Variants in FCHSD2 observed in about 807,000 individuals in gnomAD.
FCHSD2 encodes F-BAR and double SH3 domains protein 2.
A neutral mutation model predicts 108.1 loss-of-function variants in FCHSD2; 38 were observed. The observed-to-expected ratio is 0.35, with a 90% CI of 0.27 to 0.46. The LOEUF is 0.46. Ranked by LOEUF, FCHSD2 falls within the 20% of genes least tolerant of loss-of-function variation. FCHSD2 has a pLI of 1.00. For synonymous variants in FCHSD2, 279 were observed against 314.7 expected (o/e 0.89, Z 1.20); for missense variants, 751 against 897.8 (o/e 0.84, Z 2.09).
At chr11:73,044,695 T>C (rs1405939961) in intron 3 of FCHSD2, among the ~76,000 whole-genome samples, 1 of 152,162 alleles carries the variant, frequency 6.6e-6, no homozygotes. Flanking sequence ...AGGCAAATGC[T>C]GGGTAAATAC....
chr11:73,107,783 C>G (rs1489890292), intron 2 of FCHSD2, among the ~76,000 whole-genome samples: 1 of 152,174 alleles, frequency 6.6e-6, no homozygotes. Context: ...GAATCTCATT[C>G]TTTTTTATGG....
At chr11:72,931,069 T>C (rs1049264158) in intron 8 of FCHSD2, among the ~76,000 whole-genome samples, 6 of 149,522 alleles carry the variant, frequency 4.0e-5, no homozygotes, top group African/African-American at 1.5e-4. Context: ...TATATATATA[T>C]ACCTACTATA....
In FCHSD2 at chr11:73,118,929, A is replaced by T. The variant is rs1186356572; in HGVS notation, c.119+21102T>A. ...AGACACATACTACACAACATGTATGATATCAATTCCACAGAATTATTTGAG... is the reference window on the plus strand; with the variant it reads ...AGACACATACTACACAACATGTATGTTATCAATTCCACAGAATTATTTGAG... On this transcript the variant is annotated intron_variant, in intron 2 of 19. Coordinates refer to ENST00000409418, the MANE Select transcript of FCHSD2 (RefSeq NM_014824.3). Among the ~76,000 whole-genome samples, 4 of 152,344 alleles carry T rather than the reference A, an allele frequency of 2.6e-5. No individual in the cohort carries two copies. In the South Asian group the frequency reaches 8.3e-4, roughly 32 times the overall value.
At chr11:73,078,393 C>T (rs1859605404) in intron 3 of FCHSD2, among the ~76,000 whole-genome samples, 1 of 152,034 alleles carries the variant, frequency 6.6e-6, no homozygotes, top group South Asian at 2.1e-4. Flanking sequence ...CGTATAAAAC[C>T]TTTGTTTAGA....
intron 3 of FCHSD2, among the ~76,000 whole-genome samples, chr11:73,075,525 A>C (rs1010417148): frequency 6.6e-6 from 1 of 152,260 alleles, no homozygotes; most frequent in African/African-American, 2.4e-5. Flanking sequence ...AAAATGATAC[A>C]GTCAATTTGG....
chr11:72,940,850 C>T, intron 8 of FCHSD2: 1 of 911,776 alleles, frequency 1.1e-6, no homozygotes, highest in Non-Finnish European at 1.8e-6. Flanking sequence ...GTCCTGAATT[C>T]TTATTGGGTT....
intron 9 of FCHSD2, among the ~76,000 whole-genome samples, chr11:72,907,887 C>T (rs142335433): frequency 2.2e-4 from 34 of 152,242 alleles, no homozygotes; most frequent in African/African-American, 7.5e-4. Context: ...GCCACCATGC[C>T]TGGCTGGTTT....
At chr11:72,933,721 C>A (rs1256752069) in intron 8 of FCHSD2, among the ~76,000 whole-genome samples, 2 of 152,120 alleles carry the variant, frequency 1.3e-5, no homozygotes, top group African/African-American at 4.8e-5. Context: ...TTAAACAGAT[C>A]TCAAAGCTTA....
In FCHSD2 at chr11:73,130,843, T is replaced by C. The variant is rs77853902; in HGVS notation, c.119+9188A>G. Among the ~76,000 whole-genome samples the C allele has an allele frequency of 1.2e-3, 179 of 152,348 alleles. 1 individual carries two copies. The highest frequency in any genetic ancestry group is 4.1e-3 in the African/African-American group (172 of 41,550). On this transcript the variant is annotated intron_variant, in intron 2 of 19. Transcript: ENST00000409418. ...ATTCGAAGTTGCATGTTACCTTTTA[T>C]TAATTATAAAATCAGGTAATCTTTT...
chr11:72,859,228 A>C (rs898264610), intron 13 of FCHSD2, among the ~76,000 whole-genome samples: 1 of 152,198 alleles, frequency 6.6e-6, no homozygotes, highest in African/African-American at 2.4e-5. Context: ...ATAAGTTTTA[A>C]ATTGTGTGCC....
In FCHSD2 at chr11:73,075,911, G is replaced by A. The variant is rs1024840216; in HGVS notation, c.165+7784C>T. Among the ~76,000 whole-genome samples the A allele has an allele frequency of 5.9e-5, 9 of 152,170 alleles. No homozygotes were observed. In the South Asian group the frequency reaches 1.9e-3, roughly 31 times the overall value. On this transcript the variant is annotated intron_variant, in intron 3 of 19. Transcript: ENST00000409418. ...ACGCAGTCGGATCGCTTGAGTCCAG[G>A]AGTTCGAGACCAGCCTGGGCAACGT... is the stretch of plus-strand genomic sequence containing the variant.
At chr11:73,022,885 C>T (rs1858141518) in intron 3 of FCHSD2, among the ~76,000 whole-genome samples, 1 of 151,970 alleles carries the variant, frequency 6.6e-6, no homozygotes, top group Admixed American at 6.6e-5. Context: ...AGAAATAGAC[C>T]CATACAAATA....
intron 5 of FCHSD2, among the ~76,000 whole-genome samples, chr11:72,991,425 A>G (rs1422481671): frequency 1.8e-4 from 27 of 152,194 alleles, no homozygotes; most frequent in Non-Finnish European, 1.9e-4. Context: ...AGAATTTTAG[A>G]CCAATATCCC....
At chr11:73,038,205 G>A (rs929069737) in intron 3 of FCHSD2, among the ~76,000 whole-genome samples, 1 of 152,034 alleles carries the variant, frequency 6.6e-6, no homozygotes, top group Admixed American at 6.6e-5. Context: ...AACTGGGCGT[G>A]GTAGTGCATG....
rs140405680 is a variant in FCHSD2, at chr11:72,845,386, C to T, written c.1444-1854G>A. On this transcript the variant is annotated intron_variant, in intron 14 of 19. Coordinates refer to ENST00000409418, the MANE Select transcript of FCHSD2 (RefSeq NM_014824.3). ...CAGGGAGGCAGAGGTTGCAGTGAGC[C>T]GAGATCACACCACTGCACTCCAGCC... Among the ~76,000 whole-genome samples the T allele has an allele frequency of 3.7e-3, 529 of 141,612 alleles. 1 individual carries two copies. Among genetic ancestry groups the T allele is most frequent in the African/African-American group, 0.013 (500 of 37,384 alleles). The allele number at this position is 141,612 out of a possible 152,430, so 92.9% of individuals were successfully genotyped here. A position where few individuals can be genotyped will look rare whatever the true frequency, so the allele number is the denominator to read the frequency against.
At chr11:72,941,164 A>G (rs1856409979) in intron 8 of FCHSD2, 2 of 381,888 alleles carry the variant, frequency 5.2e-6, no homozygotes, top group Non-Finnish European at 9.5e-6. Flanking sequence ...CAGTCAAAAA[A>G]ATAAATAAAT....
intron 12 of FCHSD2, among the ~76,000 whole-genome samples, chr11:72,871,520 G>A (rs1313487980): frequency 2.7e-5 from 4 of 149,330 alleles, no homozygotes; most frequent in African/African-American, 5.1e-5. Context: ...GGTTAAGTAA[G>A]GTTCCACTTA....
At position 72,842,643 on chromosome 11, in the gene FCHSD2, G is replaced by A; in HGVS notation, c.1904C>T (p.Thr635Ile). 6.2e-7 allele frequency: 1 copy of A among 1,614,004 alleles called. No homozygotes were observed. The highest frequency in any genetic ancestry group is 8.5e-7 in the Non-Finnish European group (1 of 1,179,902). Residue 635 changes from threonine (T) to isoleucine (I), a missense_variant, in exon 17 of 20, where the codon ACT (threonine) becomes ATT (isoleucine). By Grantham distance (89) the Thr-to-Ile change is moderately conservative (BLOSUM62 -1). Transcript: ENST00000409418. ...TACCTGAATCTCTCTCATCCATGGA[G>A]TGTCACCATTTTCTGAGGCTGAAAG... Reference protein sequence around the residue: ...EELSASENGDTPWMREIQISP... With the variant: ...EELSASENGDIPWMREIQISP...
rs200788964 is a variant in FCHSD2 at position 72,907,598 on chromosome 11, G to GTT, written c.829-4961_829-4960insAA. On this transcript the variant is annotated intron_variant, in intron 9 of 19. Coordinates refer to ENST00000409418, the MANE Select transcript of FCHSD2 (RefSeq NM_014824.3). ...CTGCATCTATTGAGATAATCACGTG[G>GTT]GTTTTTTTTTTTTTTTTTTTTCTTG... 4.5e-3 allele frequency among the ~76,000 whole-genome samples: 325 copies of GTT among 72,670 alleles called. 5 individuals are homozygous for GTT. Among genetic ancestry groups the GTT allele is most frequent in the East Asian group, 0.016 (33 of 2,128 alleles). 47.7% of individuals were successfully genotyped at this position (72,670 alleles called of 152,430 possible).
Sources: allele counts gnomAD v4.1 joint callset (sites outside exome capture counted in the v4.1 genomes callset), GRCh38; gene constraint gnomAD v4.1.1; transcripts MANE v1.5; gene names NCBI Gene and HGNC (gene_info 2026-07-23, HGNC 2026-07-21).